The following ALG5 variants were observed in gnomAD, a reference collection of about 807,000 sequenced individuals.
ALG5 encodes dolichyl-phosphate beta-glucosyltransferase.
ALG5 carries 26 observed loss-of-function variants against 51.8 expected under a neutral mutation model. That is an observed-to-expected ratio of 0.50 (90% confidence interval 0.37 to 0.70). ALG5 has a LOEUF of 0.70. Ranked by LOEUF, ALG5 falls within the 30% of genes least tolerant of loss-of-function variation. ALG5 has a pLI of 0.00. For missense variants in ALG5, 311 were observed against 399.3 expected (o/e 0.78, Z 1.88); for synonymous variants, 141 against 136.1 (o/e 1.04, Z -0.25).
At chr13:36,992,189 AGTGCTCTAATTATTT>A (rs549838139) in intron 4 of ALG5, among the ~76,000 whole-genome samples, 149 of 152,308 alleles carry the variant, frequency 9.8e-4, no homozygotes, top group Middle Eastern at 6.8e-3. Flanking sequence ...TCTAACACAT[AGTGCTCTAATTATTT>A]GATGCATATT....
At chr13:36,982,381 TAA>T (rs1457956028) in intron 6 of ALG5, among the ~76,000 whole-genome samples, 2 of 152,234 alleles carry the variant, frequency 1.3e-5, no homozygotes. Flanking sequence ...TAGGTAGTTG[TAA>T]AAACTTTCCA....
rs2058926538 is a variant in ALG5 at position 36,972,050 on chromosome 13, CA to C, written c.562-15del. The C allele has an allele frequency of 6.3e-7, 1 of 1,576,386 alleles. No homozygotes were observed. The highest frequency in any genetic ancestry group is 1.4e-5 in the African/African-American group (1 of 73,994). Reference sequence around the variant, plus strand: ...AGCCATTTGATTCTGAGGGAAAAAGCAGAGATAGTTTTTCAATATTTAAATA... The same window carrying C: ...AGCCATTTGATTCTGAGGGAAAAAGCGAGATAGTTTTTCAATATTTAAATA... On this transcript the variant is annotated splice_polypyrimidine_tract_variant and intron_variant, in intron 6 of 9. Transcript: ENST00000239891.
chr13:36,972,787 T>C (rs1338993951), intron 6 of ALG5, among the ~76,000 whole-genome samples: 1 of 151,912 alleles, frequency 6.6e-6, no homozygotes, highest in Non-Finnish European at 1.5e-5. Context: ...GGTCAGGAGA[T>C]CGAGATCATC....
intron 5 of ALG5, among the ~76,000 whole-genome samples, 170 bp downstream of exon 5, chr13:36,989,314 G>T (rs2059015499): frequency 1.3e-5 from 2 of 152,016 alleles, no homozygotes; most frequent in Admixed American, 6.6e-5. Context: ...CTATATTATA[G>T]ATATGACACA....
chr13:36,999,096 G>T, intron 1 of ALG5, 139 bp downstream of exon 1: 1 of 649,492 alleles, frequency 1.5e-6, no homozygotes. Flanking sequence ...GAAACTCCGA[G>T]GTCAGGAATT....
chr13:36,949,928 A>C lies in ALG5; in HGVS notation c.*14T>G. The stretch of plus-strand genomic sequence containing the variant: ...CACTGAAGCATAAGAACACAACTGA[A>C]GACTGCAAACAACCTAATTCATTTT... On this transcript the variant is annotated 3_prime_UTR_variant, in exon 10 of 10. Transcript: ENST00000239891. The C allele has an allele frequency of 1.3e-6, 2 of 1,557,634 alleles. No individual in the cohort carries two copies. Among genetic ancestry groups the C allele is most frequent in the Non-Finnish European group, 1.8e-6 (2 of 1,134,512 alleles).
intron 1 of ALG5, 68 bp downstream of exon 1, chr13:36,999,167 C>T (rs1381916661): frequency 1.4e-5 from 19 of 1,398,448 alleles, no homozygotes; most frequent in Non-Finnish European, 1.6e-5. Flanking sequence ...GAGGGGACGC[C>T]TGAGGAGCCG....
At chr13:36,976,356 G>A (rs1286902190) in intron 6 of ALG5, among the ~76,000 whole-genome samples, 3 of 148,544 alleles carry the variant, frequency 2.0e-5, no homozygotes, top group Admixed American at 6.8e-5. Flanking sequence ...AATCTGGGAG[G>A]TGGAGGTTGC....
chr13:36,969,342 G>GTC (rs10695750), intron 7 of ALG5, among the ~76,000 whole-genome samples: 137,669 of 151,322 alleles, frequency 0.91, 62,806 homozygotes, highest in East Asian at 1. Flanking sequence ...TGGCTCCTAA[G>GTC]TGTATTTGGC....
chr13:36,960,687 CT>C (rs35334943), intron 8 of ALG5, among the ~76,000 whole-genome samples: 49,827 of 142,442 alleles, frequency 0.35, 9,442 homozygotes, highest in East Asian at 0.7. Flanking sequence ...TAATAATTTG[CT>C]TTTTTTTTTT....
rs2058811475 is a variant in ALG5, at chr13:36,950,016, T to C, written c.901A>G (p.Lys301Glu). ...CGAAGTCGTATAAAAAGTAGGTCTTTACCCATTTGTAGCCAGCTCCAGAAT... is the reference window on the plus strand; with the variant it reads ...CGAAGTCGTATAAAAAGTAGGTCTTCACCCATTTGTAGCCAGCTCCAGAAT... ...VPFWSWLQMG[K>E]DLLFIRLRYL... The change falls in exon 10 of 10, where the codon AAA becomes GAA. Residue 301 changes from lysine to glutamate, a missense_variant. By Grantham distance (56) the Lys-to-Glu change is moderately conservative. Transcript: ENST00000239891. The C allele has an allele frequency of 6.2e-7, 1 of 1,613,174 alleles. No homozygotes were observed. The highest frequency in any genetic ancestry group is 2.2e-5 in the East Asian group (1 of 44,836).
chr13:36,953,160 G>T (rs187249635), intron 8 of ALG5, among the ~76,000 whole-genome samples: 24 of 152,072 alleles, frequency 1.6e-4, no homozygotes, highest in Admixed American at 1.3e-4. Context: ...GGCAACTATT[G>T]AAAGTAAAAA....
At chr13:36,965,120 G>A (rs1165690773) in intron 8 of ALG5, among the ~76,000 whole-genome samples, 1 of 152,052 alleles carries the variant, frequency 6.6e-6, no homozygotes, top group Non-Finnish European at 1.5e-5. Flanking sequence ...TGTGATGGAA[G>A]GGAAAAGGCT....
chr13:36,995,953 C>T (rs1463550500), intron 1 of ALG5, among the ~76,000 whole-genome samples: 1 of 152,160 alleles, frequency 6.6e-6, no homozygotes, highest in Non-Finnish European at 1.5e-5. Flanking sequence ...AGCGTGTCTA[C>T]ATGCATAGAG....
At chr13:36,965,482 CAT>C in intron 8 of ALG5, 91 bp downstream of exon 8, 1 of 1,296,094 alleles carries the variant, frequency 7.7e-7, no homozygotes. Context: ...TTTAAATCTA[CAT>C]GTTCATTATA....
chr13:36,973,568 A>G (rs2058936236), intron 6 of ALG5, among the ~76,000 whole-genome samples: 1 of 152,228 alleles, frequency 6.6e-6, no homozygotes, highest in Non-Finnish European at 1.5e-5. Flanking sequence ...ACAAAAAACC[A>G]GAAGACTGAT....
intron 8 of ALG5, among the ~76,000 whole-genome samples, chr13:36,955,702 AAAAAAAAAAAG>A (rs1465687682): frequency 6.7e-6 from 1 of 150,104 alleles, no homozygotes; most frequent in Non-Finnish European, 1.5e-5. Flanking sequence ...AAAAAAAAAA[AAAAAAAAAAAG>A]ATTAAGAAAC....
intron 5 of ALG5, 122 bp downstream of exon 5, chr13:36,989,362 A>C (rs1207362379): frequency 1.5e-6 from 1 of 672,122 alleles, no homozygotes; most frequent in Non-Finnish European, 2.5e-6. Context: ...TTATTATTAA[A>C]ATTATGTTAT....
chr13:36,976,307 A>G (rs1002519901), intron 6 of ALG5, among the ~76,000 whole-genome samples: 4 of 150,376 alleles, frequency 2.7e-5, no homozygotes, highest in African/African-American at 9.8e-5. Context: ...CATGCCTGTA[A>G]TCCCAGCTAC....
Sources: allele counts gnomAD v4.1 joint callset (sites outside exome capture counted in the v4.1 genomes callset), GRCh38; gene constraint gnomAD v4.1.1; transcripts MANE v1.5; gene names NCBI Gene and HGNC (gene_info 2026-07-23, HGNC 2026-07-21).